The following PHACTR2 variants were observed in gnomAD, a reference collection of about 807,000 sequenced individuals.
PHACTR2 encodes phosphatase and actin regulator 2, also known as chromosome 6 open reading frame 56.
In PHACTR2, 30 loss-of-function variants were observed where a neutral mutation model predicts 76.0. The ratio of observed to expected loss-of-function variants is 0.39; its 90% CI spans 0.30 to 0.54. PHACTR2 has a LOEUF of 0.54. Among genes scored for constraint, PHACTR2 ranks in the 20% least tolerant of loss-of-function variants. PHACTR2 has a pLI of 0.61. For missense variants in PHACTR2, 696 were observed against 781.1 expected (o/e 0.89, Z 1.30); for synonymous variants, 292 against 292.5 (o/e 1.00, Z 0.02).
At chr6:143,590,842 G>A (rs934875435) in intron 1 of PHACTR2, among the ~76,000 whole-genome samples, 1 of 152,032 alleles carries the variant, frequency 6.6e-6, no homozygotes, top group African/African-American at 2.4e-5. Context: ...CCTGTGGATG[G>A]TTAATTTTGC....
intron 1 of PHACTR2, among the ~76,000 whole-genome samples, chr6:143,668,328 A>T (rs1777082304): frequency 6.6e-6 from 1 of 152,112 alleles, no homozygotes; most frequent in African/African-American, 2.4e-5. Flanking sequence ...TATTGGCCTG[A>T]AATTTTCTTT....
chr6:143,754,114 ATTTGT>A lies in PHACTR2; in HGVS notation c.454+206_454+210del. On this transcript the variant is annotated intron_variant, in intron 4 of 12. Coordinates refer to ENST00000440869, the MANE Select transcript of PHACTR2 (RefSeq NM_001100164.2). The surrounding 1 kb of genome is among the most constrained non-coding windows in gnomAD (Gnocchi z 6.2). ...GATGCATCCATTTTATAAGCACAGT[ATTTGT>A]TTTTTCAATTATTAAAAATGTTAAT... 2.7e-6 allele frequency: 1 copy of A among 365,394 alleles called. No homozygotes were observed. The allele number at this position is 365,394 out of a possible 1,614,324, so 22.6% of individuals were successfully genotyped here.
chr6:143,558,520 A>C lies in PHACTR2; in HGVS notation c.217+21313A>C, dbSNP rs911259560. On this transcript the variant is annotated intron_variant, in intron 1 of 11. Coordinates refer to the PHACTR2 transcript ENST00000367584. This position sits in a 1 kb window ranked among gnomAD's most constrained non-coding sequence, Gnocchi z 4.7. ...AGTGTCAGATCTGTTATGAGGATGA[A>C]ATTAACTGTTTCCATGTCCATTTTC... Among the ~76,000 whole-genome samples the C allele has an allele frequency of 6.6e-6, 1 of 152,158 alleles. No homozygotes were observed. The highest frequency in any genetic ancestry group is 2.4e-5 in the African/African-American group (1 of 41,448).
rs1048004022 is a variant in PHACTR2 at position 143,764,166 on chromosome 6, G to A, written c.695-1095G>A. 7.9e-5 allele frequency among the ~76,000 whole-genome samples: 12 copies of A among 152,162 alleles called. No individual in the cohort carries two copies. Among genetic ancestry groups the A allele is most frequent in the African/African-American group, 2.4e-4 (10 of 41,428 alleles). ...AAGCATTAAGGAAGATCACATTTGCGAAGGTGGAGTCAGAAGACCTGAGAA... is the reference window on the plus strand; with the variant it reads ...AAGCATTAAGGAAGATCACATTTGCAAAGGTGGAGTCAGAAGACCTGAGAA... On this transcript the variant is annotated intron_variant, in intron 5 of 12. Coordinates refer to ENST00000440869, the MANE Select transcript of PHACTR2 (RefSeq NM_001100164.2). The surrounding 1 kb of genome is among the most constrained non-coding windows in gnomAD (Gnocchi z 4.7).
At chr6:143,814,398 T>C (rs1414870766) in intron 12 of PHACTR2, among the ~76,000 whole-genome samples, 2 of 151,932 alleles carry the variant, frequency 1.3e-5, no homozygotes, top group African/African-American at 4.8e-5. Context: ...ATTCATTAGG[T>C]GGAATTGGAT....
In PHACTR2 at chr6:143,547,734, C is replaced by T. The variant is rs989184847; in HGVS notation, c.217+10527C>T. 3.9e-5 allele frequency among the ~76,000 whole-genome samples: 6 copies of T among 152,086 alleles called. No homozygotes were observed. The highest frequency in any genetic ancestry group is 9.7e-5 in the African/African-American group (4 of 41,402). On this transcript the variant is annotated intron_variant, in intron 1 of 11. Coordinates refer to the PHACTR2 transcript ENST00000367584. The surrounding 1 kb of genome is among the most constrained non-coding windows in gnomAD (Gnocchi z 4.2). ...TTTGTTAACAAGAGCAGCCATTAAC[C>T]GGGAAGGAGAGTGTGGCTTCATGAT...
rs1363749314 is a variant in PHACTR2 at position 143,646,456 on chromosome 6, T to A, written c.13+38134T>A. On this transcript the variant is annotated intron_variant, in intron 1 of 11. Coordinates refer to the PHACTR2 transcript ENST00000305766. The surrounding 1 kb of genome is among the most constrained non-coding windows in gnomAD (Gnocchi z 4.1). ...GACCTGTAAAATCTAATTGACTTTATTTGGCAGACACAGGCAAACACATAC... is the reference window on the plus strand; with the variant it reads ...GACCTGTAAAATCTAATTGACTTTAATTGGCAGACACAGGCAAACACATAC... 6.6e-6 allele frequency among the ~76,000 whole-genome samples: 1 copy of A among 152,188 alleles called. No individual in the cohort carries two copies. Among genetic ancestry groups the A allele is most frequent in the African/African-American group, 2.4e-5 (1 of 41,450 alleles).
intron 2 of PHACTR2, among the ~76,000 whole-genome samples, chr6:143,714,917 T>G (rs1778269288): frequency 6.6e-6 from 1 of 152,228 alleles, no homozygotes; most frequent in African/African-American, 2.4e-5. Context: ...TTTGGATTTT[T>G]ATATATGCTT....
intron 10 of PHACTR2, among the ~76,000 whole-genome samples, chr6:143,786,259 C>T (rs1324479822): frequency 6.6e-6 from 1 of 152,188 alleles, no homozygotes; most frequent in Admixed American, 6.5e-5. Context: ...AGGGCAGGGG[C>T]AAAATGCCGC....
chr6:143,772,203 C>T lies in PHACTR2; in HGVS notation c.1233-55C>T. ...GAGCTCTTTTTCTTAGTGTCAGTGC[C>T]GCCAAGGGTTGCTCTGAGCTTCACA... is the stretch of plus-strand genomic sequence containing the variant. On this transcript the variant is annotated intron_variant, in intron 6 of 12. Transcript: ENST00000440869. The surrounding 1 kb of genome is among the most constrained non-coding windows in gnomAD (Gnocchi z 5.4). 8 of 1,294,934 alleles carry T rather than the reference C, an allele frequency of 6.2e-6. No homozygotes were observed. The highest frequency in any genetic ancestry group is 3.6e-5 in the South Asian group (3 of 84,078). 80.2% of individuals were successfully genotyped at this position (1,294,934 alleles called of 1,614,324 possible).
intron 9 of PHACTR2, among the ~76,000 whole-genome samples, chr6:143,779,555 G>A (rs1018596137): frequency 1.2e-4 from 19 of 152,058 alleles, no homozygotes; most frequent in East Asian, 9.6e-4. Flanking sequence ...TTGCTATGTT[G>A]GCCAGGCTGG....
chr6:143,612,605 A>G (rs1775995437), intron 1 of PHACTR2, among the ~76,000 whole-genome samples: 1 of 52,488 alleles, frequency 1.9e-5, no homozygotes, highest in South Asian at 4.3e-4. Context: ...TATTAATGTT[A>G]TATATACACA....
At position 143,697,119 on chromosome 6, in the gene PHACTR2, A is replaced by G. The variant is rs1777792576; in HGVS notation, c.47-14897A>G. 6.6e-6 allele frequency among the ~76,000 whole-genome samples: 1 copy of G among 152,252 alleles called. No individual in the cohort carries two copies. Among genetic ancestry groups the G allele is most frequent in the Admixed American group, 6.5e-5 (1 of 15,284 alleles). The stretch of plus-strand genomic sequence containing the variant: ...TGAACATCTGTCATAATGCTATATT[A>G]TCAAAGAATTTAATTTCAGATTAAA... On this transcript the variant is annotated intron_variant, in intron 1 of 12. Transcript: ENST00000440869. The surrounding 1 kb of genome is among the most constrained non-coding windows in gnomAD (Gnocchi z 4.4).
intron 2 of PHACTR2, among the ~76,000 whole-genome samples, chr6:143,744,910 C>A (rs949541395): frequency 5.3e-5 from 8 of 152,172 alleles, no homozygotes; most frequent in Admixed American, 2.6e-4. Context: ...TAGCCCAATG[C>A]AGAGTGAAAC....
intron 11 of PHACTR2, among the ~76,000 whole-genome samples, chr6:143,796,786 A>G (rs1582890254): frequency 1.3e-5 from 2 of 152,220 alleles, no homozygotes; most frequent in Non-Finnish European, 2.9e-5. Context: ...TATATGTGCC[A>G]CATTTTCTTA....
At chr6:143,542,215 G>A (rs1015755405) in intron 1 of PHACTR2, among the ~76,000 whole-genome samples, 2 of 152,160 alleles carry the variant, frequency 1.3e-5, no homozygotes, top group African/African-American at 4.8e-5. Context: ...GTGGACATGT[G>A]TGCCTTCCTT....
intron 1 of PHACTR2, among the ~76,000 whole-genome samples, chr6:143,582,879 A>C (rs868088553): frequency 1.1e-4 from 16 of 152,356 alleles, no homozygotes; most frequent in Middle Eastern, 3.4e-3. Context: ...GGCTCTGCCA[A>C]GATTTTATTG....
At chr6:143,815,411 T>C (rs1214195232) in intron 12 of PHACTR2, among the ~76,000 whole-genome samples, 1 of 152,014 alleles carries the variant, frequency 6.6e-6, no homozygotes, top group Non-Finnish European at 1.5e-5. Flanking sequence ...CCAAACCCTG[T>C]CTCTTTAAAA....
rs1416281824 is a variant in PHACTR2, at chr6:143,801,975, T to TG, written c.1846-5080dup. Reference sequence around the variant, plus strand: ...ATAGGCCCCTCAGCTGCAGGTCTGTTGGAGTTTACTGGAGGTCCACTCCAG... The same window carrying TG: ...ATAGGCCCCTCAGCTGCAGGTCTGTTGGGAGTTTACTGGAGGTCCACTCCAG... On this transcript the variant is annotated intron_variant, in intron 11 of 12. Coordinates refer to ENST00000440869, the MANE Select transcript of PHACTR2 (RefSeq NM_001100164.2). The surrounding 1 kb of genome is among the most constrained non-coding windows in gnomAD (Gnocchi z 4.6). Among the ~76,000 whole-genome samples, 1 of 152,202 alleles carries TG rather than the reference T, an allele frequency of 6.6e-6. No individual in the cohort carries two copies. The highest frequency in any genetic ancestry group is 2.4e-5 in the African/African-American group (1 of 41,442).
Sources: gnomAD v4.1 joint callset for allele counts (sites outside exome capture counted in the v4.1 genomes callset) on GRCh38, gnomAD v4.1.1 for gene constraint, Gnocchi (gnomAD v3.1) non-coding constraint, MANE v1.5 for transcripts, NCBI Gene and HGNC (gene_info 2026-07-23, HGNC 2026-07-21) for gene names.